Variants in MTMR12 observed in about 807,000 individuals in gnomAD.
MTMR12 encodes the protein myotubularin-related protein 12.
In MTMR12, 33 loss-of-function variants were observed where a neutral mutation model predicts 96.7. The observed-to-expected ratio is 0.34, with a 90% CI of 0.26 to 0.46. The LOEUF is 0.46. MTMR12 is among the 20% of genes least tolerant of loss of function. The probability of loss-of-function intolerance (pLI) is 1.00; values close to 1 mark genes in which losing one functional copy is unlikely to be tolerated. For synonymous variants in MTMR12, 298 were observed against 327.2 expected (o/e 0.91, Z 0.96); for missense variants, 721 against 896.1 (o/e 0.80, Z 2.49).
chr5:32,267,677 A>C (rs1333231031), intron 6 of MTMR12, among the ~76,000 whole-genome samples: 1 of 152,202 alleles, frequency 6.6e-6, no homozygotes, highest in East Asian at 1.9e-4. Context: ...GGTTGTTTAA[A>C]AACTTTCTAG....
chr5:32,263,291 G>C, intron 6 of MTMR12, 49 bp from the exon 7 acceptor site: 1 of 1,604,654 alleles, frequency 6.2e-7, no homozygotes, highest in African/African-American at 1.3e-5. Flanking sequence ...ATGAAGCACT[G>C]GTGCTTTTAT....
At chr5:32,288,859 G>C (rs1042304710) in intron 1 of MTMR12, among the ~76,000 whole-genome samples, 2 of 152,216 alleles carry the variant, frequency 1.3e-5, no homozygotes, top group African/African-American at 4.8e-5. Flanking sequence ...GATTGGGATG[G>C]TGGAGTGGAT....
At chr5:32,239,210 A>C in intron 12 of MTMR12, 37 bp from the exon 13 acceptor site, 1 of 1,494,964 alleles carries the variant, frequency 6.7e-7, no homozygotes, top group South Asian at 1.4e-5. Context: ...AAGAGGAAGG[A>C]GGGCATAAAA....
intron 1 of MTMR12, among the ~76,000 whole-genome samples, chr5:32,301,394 G>A (rs911576651): frequency 2.6e-5 from 4 of 152,188 alleles, no homozygotes; most frequent in Non-Finnish European, 4.4e-5. Context: ...CCTAGGGAAA[G>A]TGCTATTCCC....
At chr5:32,242,204 A>T in intron 11 of MTMR12, 77 bp from the exon 12 acceptor site, 1 of 1,024,614 alleles carries the variant, frequency 9.8e-7, no homozygotes, top group Non-Finnish European at 1.4e-6. Context: ...GTTGAGAGAG[A>T]GTCTGACTTG....
At chr5:32,309,786 TAAAAAA>T (rs369114652) in intron 1 of MTMR12, 1 of 145,052 alleles carries the variant, frequency 6.9e-6, no homozygotes, top group Non-Finnish European at 1.5e-5. Flanking sequence ...CCTTAAATGT[TAAAAAA>T]AAAAAGTATG....
chr5:32,290,683 G>A (rs1221369433), intron 1 of MTMR12, among the ~76,000 whole-genome samples: 1 of 152,192 alleles, frequency 6.6e-6, no homozygotes, highest in African/African-American at 2.4e-5. Context: ...AAGCTGCTCT[G>A]CCACTTGGGC....
rs1275497516 is a variant in MTMR12 at position 32,233,223 on chromosome 5, T to TC, written c.1674+549dup. On this transcript the variant is annotated intron_variant, in intron 15 of 15. Transcript: ENST00000382142. The surrounding 1 kb of genome is among the most constrained non-coding windows in gnomAD (Gnocchi z 5.0). ...CCTACTAAGGCTCCTTTTTTTTTTTTCAAGTAAAGGAATAAAGAATGGCTA... is the reference window on the plus strand; with the variant it reads ...CCTACTAAGGCTCCTTTTTTTTTTTTCCAAGTAAAGGAATAAAGAATGGCTA... Among the ~76,000 whole-genome samples, 1 of 151,856 alleles carries TC rather than the reference T, an allele frequency of 6.6e-6. No homozygotes were observed. The highest frequency in any genetic ancestry group is 1.5e-5 in the Non-Finnish European group (1 of 67,978).
chr5:32,292,411 C>T (rs573783913), intron 1 of MTMR12, among the ~76,000 whole-genome samples: 4 of 152,114 alleles, frequency 2.6e-5, no homozygotes, highest in Non-Finnish European at 4.4e-5. Flanking sequence ...GTCTTAGTTC[C>T]AGAGGGAGGA....
At chr5:32,245,352 TA>T (rs1748639195) in intron 10 of MTMR12, among the ~76,000 whole-genome samples, 1 of 152,204 alleles carries the variant, frequency 6.6e-6, no homozygotes, top group Non-Finnish European at 1.5e-5. Flanking sequence ...AAGGATTTTT[TA>T]AGATTAGAAA....
intron 1 of MTMR12, among the ~76,000 whole-genome samples, chr5:32,303,763 A>G (rs889575449): frequency 1.3e-5 from 2 of 150,936 alleles, no homozygotes; most frequent in Non-Finnish European, 2.9e-5. Flanking sequence ...ATCCTAACAA[A>G]GCCAAGATCT....
intron 10 of MTMR12, 72 bp downstream of exon 10, chr5:32,247,929 CA>C (rs1444051471): frequency 1.3e-6 from 2 of 1,547,214 alleles, no homozygotes; most frequent in East Asian, 2.3e-5. Flanking sequence ...GAAAAGGCAC[CA>C]ACTTTCACCT....
At chr5:32,234,734 C>A in intron 14 of MTMR12, 1 of 373,772 alleles carries the variant, frequency 2.7e-6, no homozygotes, top group South Asian at 5.4e-5. Context: ...TAGACCAATG[C>A]TTGGTATGTA....
At chr5:32,258,624 T>C (rs1304136574) in intron 7 of MTMR12, among the ~76,000 whole-genome samples, 2 of 152,150 alleles carry the variant, frequency 1.3e-5, no homozygotes, top group Non-Finnish European at 2.9e-5. Context: ...AGATTCTGAA[T>C]ATTAGACAAG....
At chr5:32,308,124 C>T (rs1486199358) in intron 1 of MTMR12, among the ~76,000 whole-genome samples, 1 of 152,128 alleles carries the variant, frequency 6.6e-6, no homozygotes, top group South Asian at 2.1e-4. Flanking sequence ...GAGTTCGAGA[C>T]CAGCCTGGCC....
intron 1 of MTMR12, among the ~76,000 whole-genome samples, chr5:32,291,667 C>T (rs1001397494): frequency 3.3e-5 from 5 of 152,154 alleles, no homozygotes; most frequent in Non-Finnish European, 5.9e-5. Flanking sequence ...GGCCCATAAA[C>T]GAAATGGCCA....
chr5:32,287,779 A>G (rs1294650328), intron 1 of MTMR12, among the ~76,000 whole-genome samples: 1 of 152,246 alleles, frequency 6.6e-6, no homozygotes, highest in Non-Finnish European at 1.5e-5. Context: ...AAAGTTATGC[A>G]AAACAAACAC....
rs1561738241 is a variant in MTMR12 at position 32,235,016 on chromosome 5, T to C, written c.1458A>G (p.Ile486Met). The change falls in exon 14 of 16, where the codon ATA becomes ATG. Residue 486 changes from isoleucine (I) to methionine (M), a missense_variant. Physicochemically the swap from Ile to Met is conservative, Grantham distance 10 (BLOSUM62 1). Transcript: ENST00000382142. Reference protein sequence around the residue: ...YLTVLSDSLYIPIFSTFFFNS... With the variant: ...YLTVLSDSLYMPIFSTFFFNS... The stretch of plus-strand genomic sequence containing the variant: ...TGAAGAAGAAGGTGCTAAAAATAGG[T>C]ATATACAGGCTATCTGACAAAACAG... 4.3e-6 allele frequency: 7 copies of C among 1,613,954 alleles called. No individual in the cohort carries two copies. The highest frequency in any genetic ancestry group is 5.1e-6 in the Non-Finnish European group (6 of 1,179,810).
At position 32,228,632 on chromosome 5, in the gene MTMR12, CATATATATCAT is replaced by C. The variant is rs1436647695; in HGVS notation, c.*1135_*1145del. 2 of 129,604 alleles carry C rather than the reference CATATATATCAT, an allele frequency of 1.5e-5. No individual in the cohort carries two copies. Among genetic ancestry groups the C allele is most frequent in the Admixed American group, 8.0e-5 (1 of 12,542 alleles). The allele number at this position is 129,604 out of a possible 1,614,324, so 8.0% of individuals were successfully genotyped here. On this transcript the variant is annotated 3_prime_UTR_variant, in exon 16 of 16. Coordinates refer to ENST00000382142, the MANE Select transcript of MTMR12 (RefSeq NM_001040446.3). Reference sequence around the variant, plus strand: ...TCATATATATGATATATATATATCACATATATATCATATATATATCATTTAGACAGCAGATC... The same window carrying C: ...TCATATATATGATATATATATATCACATATATATCATTTAGACAGCAGATC...
Sources: gnomAD v4.1 joint callset for allele counts (sites outside exome capture counted in the v4.1 genomes callset) on GRCh38, gnomAD v4.1.1 for gene constraint, Gnocchi (gnomAD v3.1) non-coding constraint, MANE v1.5 for transcripts, NCBI Gene and HGNC (gene_info 2026-07-23, HGNC 2026-07-21) for gene names.